SLC4A10: variants seen among roughly 807,000 people sequenced by gnomAD.
SLC4A10 encodes the protein sodium-driven chloride bicarbonate exchanger.
Under a neutral mutation model 137.7 loss-of-function variants are expected in SLC4A10, and 42 were observed. That is an observed-to-expected ratio of 0.30 (90% confidence interval 0.24 to 0.39). The LOEUF is 0.39. Among genes scored for constraint, SLC4A10 ranks in the 10% least tolerant of loss-of-function variants. The pLI is 1.00. For missense variants in SLC4A10, 925 were observed against 1,355.0 expected (o/e 0.68, Z 4.98); for synonymous variants, 474 against 464.1 (o/e 1.02, Z -0.27).
At chr2:161,950,940 C>A in intron 19 of SLC4A10, 92 bp downstream of exon 19, 1 of 1,008,672 alleles carries the variant, frequency 9.9e-7, no homozygotes, top group Non-Finnish European at 1.4e-6. Context: ...TTCATTTGCA[C>A]AGTGAAATAT....
At chr2:161,850,658 C>G (rs934096665) in intron 4 of SLC4A10, among the ~76,000 whole-genome samples, 1 of 151,908 alleles carries the variant, frequency 6.6e-6, no homozygotes, top group Non-Finnish European at 1.5e-5. Context: ...TTCAAAGAGC[C>G]AAGTCTTGGT....
intron 1 of SLC4A10, among the ~76,000 whole-genome samples, chr2:161,760,326 T>G (rs2050127886): frequency 6.6e-6 from 1 of 152,074 alleles, no homozygotes; most frequent in Non-Finnish European, 1.5e-5. Context: ...TCTTTCCAGT[T>G]AACTGTTTTG....
intron 10 of SLC4A10, among the ~76,000 whole-genome samples, chr2:161,894,295 A>G (rs1056017016): frequency 5.3e-5 from 8 of 152,164 alleles, no homozygotes; most frequent in African/African-American, 1.9e-4. Flanking sequence ...GGGTATAAAT[A>G]CTGCTGAAAT....
At chr2:161,847,013 G>A (rs2059537680) in intron 4 of SLC4A10, among the ~76,000 whole-genome samples, 1 of 151,272 alleles carries the variant, frequency 6.6e-6, no homozygotes, top group Admixed American at 6.6e-5. Flanking sequence ...AAGGCAGGAG[G>A]ATTACTTGAG....
chr2:161,696,979 CT>C (rs1337261067), intron 1 of SLC4A10, among the ~76,000 whole-genome samples: 1 of 152,146 alleles, frequency 6.6e-6, no homozygotes, highest in Non-Finnish European at 1.5e-5. Flanking sequence ...TGTTTCCTGA[CT>C]TTTTAATGAT....
chr2:161,820,946 C>A (rs2057567545), intron 3 of SLC4A10, among the ~76,000 whole-genome samples: 1 of 152,270 alleles, frequency 6.6e-6, no homozygotes, highest in African/African-American at 2.4e-5. Flanking sequence ...CTTACTAACA[C>A]TTGGTAATTC....
chr2:161,657,248 TAG>T (rs2105655522), intron 1 of SLC4A10, among the ~76,000 whole-genome samples: 1 of 152,128 alleles, frequency 6.6e-6, no homozygotes, highest in South Asian at 2.1e-4. Flanking sequence ...ATCTGAAAAA[TAG>T]AGATATAATA....
At position 161,873,932 on chromosome 2, in the gene SLC4A10, A is replaced by T. The variant is rs181577709; in HGVS notation, c.875A>T (p.Gln292Leu). The T allele has an allele frequency of 4.0e-4, 639 of 1,594,402 alleles. 3 individuals are homozygous for T. In the African/African-American group the frequency reaches 8.0e-3, roughly 20 times the overall value. The change falls in exon 8 of 27, where the codon CAA becomes CTA. Residue 292 changes from glutamine to leucine, a missense_variant. Physicochemically the swap from Gln to Leu is moderately radical, Grantham distance 113. This residue lies in a region of SLC4A10 where 277 missense variants were observed against 306.1 expected (regional missense o/e 0.90). Coordinates refer to ENST00000446997, the MANE Select transcript of SLC4A10 (RefSeq NM_001178015.2). ...TGCGTGCAGGGACTGGGAGGCCAAC[A>T]AAAGGGGCATACTAGTCCATGTGGG... ...VDFSKGLGGQ[Q>L]KGHTSPCGMK...
At chr2:161,682,175 G>A (rs2040927595) in intron 1 of SLC4A10, among the ~76,000 whole-genome samples, 1 of 152,156 alleles carries the variant, frequency 6.6e-6, no homozygotes. Context: ...GTATGTTTAG[G>A]AAATATTTAT....
At position 161,763,884 on chromosome 2, in the gene SLC4A10, T is replaced by C. The variant is rs186150238; in HGVS notation, c.49-7089T>C. Reference sequence around the variant, plus strand: ...GCTAATAAAAAGGCAGAAATGGTGGTTGCTTTTTAAAAATGATATGATAAA... The same window carrying C: ...GCTAATAAAAAGGCAGAAATGGTGGCTGCTTTTTAAAAATGATATGATAAA... On this transcript the variant is annotated intron_variant, in intron 1 of 26. Transcript: ENST00000446997. 7.2e-5 allele frequency among the ~76,000 whole-genome samples: 11 copies of C among 152,278 alleles called. No homozygotes were observed. The East Asian group carries it at 1.9e-3, about 27-fold the overall frequency.
At chr2:161,664,304 A>G (rs1221588469) in intron 1 of SLC4A10, among the ~76,000 whole-genome samples, 1 of 151,972 alleles carries the variant, frequency 6.6e-6, no homozygotes, top group Non-Finnish European at 1.5e-5. Flanking sequence ...CTCATAACTA[A>G]AAGTCACCTG....
At chr2:161,627,719 AG>A (rs1412021970) in intron 1 of SLC4A10, among the ~76,000 whole-genome samples, 2 of 152,086 alleles carry the variant, frequency 1.3e-5, no homozygotes. Context: ...AATCACTCCA[AG>A]GGTTAGGGCG....
At chr2:161,947,516 T>A (rs1694041446) in intron 16 of SLC4A10, 50 bp from the exon 17 acceptor site, 3 of 1,571,602 alleles carry the variant, frequency 1.9e-6, no homozygotes, top group Non-Finnish European at 2.6e-6. Flanking sequence ...CTGCAAGAAA[T>A]GTGTCCGGTT....
At chr2:161,852,113 C>A (rs567025348) in intron 4 of SLC4A10, among the ~76,000 whole-genome samples, 2 of 152,210 alleles carry the variant, frequency 1.3e-5, no homozygotes, top group East Asian at 1.9e-4. Context: ...CTCACTGTTA[C>A]AACATTTTAG....
At chr2:161,822,642 G>A (rs1288626320) in intron 3 of SLC4A10, among the ~76,000 whole-genome samples, 1 of 152,094 alleles carries the variant, frequency 6.6e-6, no homozygotes, top group East Asian at 1.9e-4. Flanking sequence ...ACATTTATAT[G>A]TATATTATGT....
At chr2:161,811,785 A>C (rs560304316) in intron 3 of SLC4A10, among the ~76,000 whole-genome samples, 221 of 152,188 alleles carry the variant, frequency 1.5e-3, no homozygotes, top group African/African-American at 5.1e-3. Flanking sequence ...CAAGAAAATA[A>C]GGAAGTTTTC....
intron 1 of SLC4A10, among the ~76,000 whole-genome samples, chr2:161,694,223 A>G (rs1467548685): frequency 6.6e-6 from 1 of 151,994 alleles, no homozygotes; most frequent in African/African-American, 2.4e-5. Context: ...AAATATTTGC[A>G]TTTAGGGATT....
chr2:161,905,282 T>G (rs1238518938), intron 14 of SLC4A10, among the ~76,000 whole-genome samples: 1 of 152,136 alleles, frequency 6.6e-6, no homozygotes, highest in Non-Finnish European at 1.5e-5. Flanking sequence ...TCACCTCAGA[T>G]CATCAGGCAT....
intron 23 of SLC4A10, among the ~76,000 whole-genome samples, chr2:161,965,995 A>G (rs1697503211): frequency 6.6e-6 from 1 of 152,206 alleles, no homozygotes; most frequent in Non-Finnish European, 1.5e-5. Context: ...AAAATATTTG[A>G]TGAGAATTAT....
Sources: allele counts gnomAD v4.1 joint callset (sites outside exome capture counted in the v4.1 genomes callset), GRCh38; gene constraint gnomAD v4.1.1; regional missense constraint gnomAD v4.1.1; transcripts MANE v1.5; gene names NCBI Gene and HGNC (gene_info 2026-07-23, HGNC 2026-07-21).